OR4D1: variants seen among roughly 807,000 people sequenced by gnomAD.
OR4D1 encodes the protein olfactory receptor 4D1.
OR4D1 carries 10 observed loss-of-function variants against 14.2 expected under a neutral mutation model. That is an observed-to-expected ratio of 0.71 (90% CI 0.44 to 1.20). The LOEUF (loss-of-function observed/expected upper bound fraction) is 1.20. Ranked by LOEUF, OR4D1 falls within the 50% of genes most tolerant of loss-of-function variation. The pLI is 0.00. For synonymous variants in OR4D1, 141 were observed against 147.4 expected, an observed-to-expected ratio of 0.96 and a Z score of 0.32; for missense variants, 345 against 376.6, an observed-to-expected ratio of 0.92 and a Z score of 0.70.
In OR4D1 at chr17:58,159,455, G is replaced by A; in HGVS notation, c.*3369G>A. Reference sequence around the variant, plus strand: ...GGACACAGCATTCCTCCCCTCTGGAGGATGCAGCAACAAGGTGCCATCTTG... The same window carrying A: ...GGACACAGCATTCCTCCCCTCTGGAAGATGCAGCAACAAGGTGCCATCTTG... On this transcript the variant is annotated 3_prime_UTR_variant, in exon 4 of 4. Transcript: ENST00000268912. The A allele has an allele frequency of 6.5e-6, 1 of 152,802 alleles. No individual in the cohort carries two copies. The highest frequency in any genetic ancestry group is 1.5e-5 in the Non-Finnish European group (1 of 68,152). The allele number at this position is 152,802 out of a possible 1,614,324, so 9.5% of individuals were successfully genotyped here.
intron 3 of OR4D1, among the ~76,000 whole-genome samples, 65 bp downstream of exon 3, chr17:58,154,028 C>T (rs183993812): frequency 6.6e-6 from 1 of 152,034 alleles, no homozygotes; most frequent in Non-Finnish European, 1.5e-5. Context: ...ACTATGTTGC[C>T]CAGGCTTGTC....
Position 58,155,930 on chromosome 17 carries a change from C to A in OR4D1, c.777C>A (p.Thr259=). The change falls in exon 4 of 4, where the codon ACC becomes ACA. Residue 259 remains threonine, a synonymous_variant. Coordinates refer to ENST00000268912, the MANE Select transcript of OR4D1 (RefSeq NM_001386095.1). The part of the protein sequence containing the change: ...MIFIPCIYIY[T]WPFTPFLMDK... ...TCATTCCCTGTATCTATATCTATAC[C>A]TGGCCCTTCACCCCATTCCTCATGG... The A allele has an allele frequency of 6.2e-7, 1 of 1,614,134 alleles. No individual in the cohort carries two copies. The highest frequency in any genetic ancestry group is 1.1e-5 in the South Asian group (1 of 91,082).
chr17:58,155,800 T>A lies in OR4D1; in HGVS notation c.647T>A (p.Ile216Asn). The A allele has an allele frequency of 6.2e-7, 1 of 1,614,188 alleles. No homozygotes were observed. Among genetic ancestry groups the A allele is most frequent in the Non-Finnish European group, 8.5e-7 (1 of 1,180,036 alleles). The change falls in exon 4 of 4, where the codon ATC becomes AAC. Residue 216 changes from isoleucine (I) to asparagine (N), a missense_variant. Ile to Asn is a moderately radical substitution (Grantham distance 149). Coordinates refer to ENST00000268912, the MANE Select transcript of OR4D1 (RefSeq NM_001386095.1). The stretch of plus-strand genomic sequence containing the variant: ...ATCATCTGGTTCCTCCTCCTTCTGA[T>A]CTCTTATACTGTCATCCTGGTGATG... The part of the protein sequence containing the change: ...LVIIWFLLLL[I>N]SYTVILVMLR...
In OR4D1 at chr17:58,157,015, A is replaced by G; in HGVS notation, c.*929A>G. 1 of 899,972 alleles carries G rather than the reference A, an allele frequency of 1.1e-6. No homozygotes were observed. The highest frequency in any genetic ancestry group is 1.7e-6 in the Non-Finnish European group (1 of 572,468). 55.7% of individuals were successfully genotyped at this position (899,972 alleles called of 1,614,324 possible). On this transcript the variant is annotated 3_prime_UTR_variant, in exon 4 of 4. Coordinates refer to ENST00000268912, the MANE Select transcript of OR4D1 (RefSeq NM_001386095.1). ...CGTCGGGAGCTACGTAGGGCAGGGA[A>G]GGCATGGCTTCTGTTTTCGTCCAAT...
intron 2 of OR4D1, among the ~76,000 whole-genome samples, chr17:58,153,119 A>G (rs995019501): frequency 4.6e-5 from 7 of 152,198 alleles, no homozygotes; most frequent in African/African-American, 1.7e-4. Context: ...ATGGCTGCCC[A>G]CCCAGTCTAA....
chr17:58,156,874 T>C lies in OR4D1; in HGVS notation c.*788T>C, dbSNP rs908989089. The C allele has an allele frequency of 1.2e-5, 6 of 508,084 alleles. No homozygotes were observed. The highest frequency in any genetic ancestry group is 1.8e-5 in the Non-Finnish European group (5 of 276,560). 31.5% of individuals were successfully genotyped at this position (508,084 alleles called of 1,614,324 possible). Reference sequence around the variant, plus strand: ...ACTCTGGGACAGTTACATTCTTTTCTGCTCCCCACCTCCCTGCCTCATTCC... The same window carrying C: ...ACTCTGGGACAGTTACATTCTTTTCCGCTCCCCACCTCCCTGCCTCATTCC... On this transcript the variant is annotated 3_prime_UTR_variant, in exon 4 of 4. Coordinates refer to ENST00000268912, the MANE Select transcript of OR4D1 (RefSeq NM_001386095.1).
chr17:58,157,181 G>A lies in OR4D1; in HGVS notation c.*1095G>A. 1.4e-6 allele frequency: 2 copies of A among 1,462,838 alleles called. No individual in the cohort carries two copies. The highest frequency in any genetic ancestry group is 2.7e-5 in the South Asian group (2 of 73,844). 90.6% of individuals were successfully genotyped at this position (1,462,838 alleles called of 1,614,324 possible). A position where few individuals can be genotyped will look rare whatever the true frequency, so the allele number is the denominator to read the frequency against. ...TGTCGGACAAGAAGCCGCCCAAGGA[G>A]GCATCCCCAGTGCCGGCCAAAAGCG... is the stretch of plus-strand genomic sequence containing the variant. On this transcript the variant is annotated 3_prime_UTR_variant, in exon 4 of 4. Transcript: ENST00000268912.
At chr17:58,155,097 T>G in intron 3 of OR4D1, 38 bp from the exon 4 acceptor site, 2 of 1,234,164 alleles carry the variant, frequency 1.6e-6, no homozygotes, top group Non-Finnish European at 1.1e-6. Flanking sequence ...ATTTTCATTT[T>G]TTTTGTTTGT....
Position 58,155,665 on chromosome 17 carries a change from C to T in OR4D1, c.512C>T (p.Pro171Leu). 1 of 1,614,110 alleles carries T rather than the reference C, an allele frequency of 6.2e-7. No individual in the cohort carries two copies. The highest frequency in any genetic ancestry group is 8.5e-7 in the Non-Finnish European group (1 of 1,180,012). ...ALILPLPFCG[P>L]NILDNFYCDV... ...ATACTTCCACTGCCCTTCTGTGGCCCCAATATCCTAGATAACTTCTACTGT... is the reference window on the plus strand; with the variant it reads ...ATACTTCCACTGCCCTTCTGTGGCCTCAATATCCTAGATAACTTCTACTGT... The change falls in exon 4 of 4, where the codon CCC becomes CTC. Residue 171 changes from proline to leucine, a missense_variant. By Grantham distance (98) the Pro-to-Leu change is moderately conservative (BLOSUM62 -3). Coordinates refer to ENST00000268912, the MANE Select transcript of OR4D1 (RefSeq NM_001386095.1).
chr17:58,153,163 A>C (rs1378334913), intron 2 of OR4D1, among the ~76,000 whole-genome samples: 2 of 152,158 alleles, frequency 1.3e-5, no homozygotes, highest in Non-Finnish European at 2.9e-5. Context: ...AGGACACAAA[A>C]TCAGAGACCA....
intron 2 of OR4D1, among the ~76,000 whole-genome samples, chr17:58,153,047 G>T (rs1015194346): frequency 6.6e-6 from 1 of 152,242 alleles, no homozygotes; most frequent in African/African-American, 2.4e-5. Context: ...GTGAGAGTTG[G>T]AGTTGGGGAT....
chr17:58,152,662 CA>C (rs1487843589), intron 2 of OR4D1, among the ~76,000 whole-genome samples: 3 of 152,306 alleles, frequency 2.0e-5, no homozygotes, highest in Middle Eastern at 3.4e-3. Context: ...AGGCTGGGTG[CA>C]GTGGCTCACA....
rs1338366679 is a variant in OR4D1 at position 58,159,242 on chromosome 17, C to G, written c.*3156C>G. 6.6e-6 allele frequency: 1 copy of G among 152,174 alleles called. No homozygotes were observed. Among genetic ancestry groups the G allele is most frequent in the East Asian group, 1.9e-4 (1 of 5,204 alleles). 9.4% of individuals were successfully genotyped at this position (152,174 alleles called of 1,614,324 possible). On this transcript the variant is annotated 3_prime_UTR_variant, in exon 4 of 4. Coordinates refer to ENST00000268912, the MANE Select transcript of OR4D1 (RefSeq NM_001386095.1). ...ACATTGTGCTACTTAGCTGAAATGGCTTAAATATGGCCCCTTCAAAATTCA... is the reference window on the plus strand; with the variant it reads ...ACATTGTGCTACTTAGCTGAAATGGGTTAAATATGGCCCCTTCAAAATTCA...
rs1200950508 is a variant in OR4D1, at chr17:58,155,121, T to C, written c.-19-14T>C. ...TTTTTTGTTTGTTTGTTTGTTTCAA[T>C]GGTTTCTCTGTAGGAACGTGGGGGA... On this transcript the variant is annotated splice_polypyrimidine_tract_variant and intron_variant, in intron 3 of 3. Transcript: ENST00000268912. 16 of 1,474,742 alleles carry C rather than the reference T, an allele frequency of 1.1e-5. No homozygotes were observed. Among genetic ancestry groups the C allele is most frequent in the East Asian group, 2.3e-5 (1 of 43,946 alleles). The allele number at this position is 1,474,742 out of a possible 1,614,324, so 91.4% of individuals were successfully genotyped here. A position where few individuals can be genotyped will look rare whatever the true frequency, so the allele number is the denominator to read the frequency against.
chr17:58,155,990 C>T lies in OR4D1; in HGVS notation c.837C>T (p.Thr279=). 6.8e-7 allele frequency: 1 copy of T among 1,465,866 alleles called. No individual in the cohort carries two copies. The highest frequency in any genetic ancestry group is 1.5e-5 in the South Asian group (1 of 68,206). The allele number at this position is 1,465,866 out of a possible 1,614,324, so 90.8% of individuals were successfully genotyped here. ...KAVSISYTVM[T]PMLNPMIYTL... is the part of the protein sequence containing the mutation. ...TGTCCATCAGCTACACAGTCATGAC[C>T]CCCATGCTCAACCCCATGATCTACA... is the stretch of plus-strand genomic sequence containing the variant. Residue 279 remains threonine, a synonymous_variant, in exon 4 of 4, where the codon ACC becomes ACT. Transcript: ENST00000268912.
At position 58,157,401 on chromosome 17, in the gene OR4D1, G is replaced by A; in HGVS notation, c.*1315G>A. On this transcript the variant is annotated 3_prime_UTR_variant, in exon 4 of 4. Coordinates refer to ENST00000268912, the MANE Select transcript of OR4D1 (RefSeq NM_001386095.1). Reference sequence around the variant, plus strand: ...CCAAGACACGTGAGCCCTACCACCTGCACCCTGAGAAAACACAAGACCAAT... The same window carrying A: ...CCAAGACACGTGAGCCCTACCACCTACACCCTGAGAAAACACAAGACCAAT... 2 of 1,201,590 alleles carry A rather than the reference G, an allele frequency of 1.7e-6. No individual in the cohort carries two copies. Among genetic ancestry groups the A allele is most frequent in the Admixed American group, 1.9e-5 (1 of 52,936 alleles). The allele number at this position is 1,201,590 out of a possible 1,614,324, so 74.4% of individuals were successfully genotyped here.
chr17:58,159,059 A>G lies in OR4D1; in HGVS notation c.*2973A>G, dbSNP rs1967817663. 1 of 152,036 alleles carries G rather than the reference A, an allele frequency of 6.6e-6. No homozygotes were observed. The highest frequency in any genetic ancestry group is 1.5e-5 in the Non-Finnish European group (1 of 68,020). The allele number at this position is 152,036 out of a possible 1,614,324, so 9.4% of individuals were successfully genotyped here. ...TACAATTGTATATATTTTATTGAAG[A>G]GTTATTATATCTTATTCTGAATTAA... On this transcript the variant is annotated 3_prime_UTR_variant, in exon 4 of 4. Transcript: ENST00000268912.
In OR4D1 at chr17:58,156,913, T is replaced by C; in HGVS notation, c.*827T>C. The C allele has an allele frequency of 1.7e-6, 1 of 603,502 alleles. No individual in the cohort carries two copies. The highest frequency in any genetic ancestry group is 1.8e-5 in the South Asian group (1 of 56,808). The allele number at this position is 603,502 out of a possible 1,614,324, so 37.4% of individuals were successfully genotyped here. On this transcript the variant is annotated 3_prime_UTR_variant, in exon 4 of 4. Coordinates refer to ENST00000268912, the MANE Select transcript of OR4D1 (RefSeq NM_001386095.1). ...CTGCCTCATTCCCCACTGTGGAATT[T>C]AGAAAGTTATCTCGCCCTCCCTCCT...
chr17:58,153,172 C>T (rs1477160725), intron 2 of OR4D1, among the ~76,000 whole-genome samples: 1 of 152,118 alleles, frequency 6.6e-6, no homozygotes. Flanking sequence ...AATCAGAGAC[C>T]AAAATGTGTT....
Sources: allele counts gnomAD v4.1 joint callset (sites outside exome capture counted in the v4.1 genomes callset), GRCh38; gene constraint gnomAD v4.1.1; transcripts MANE v1.5; gene names NCBI Gene and HGNC (gene_info 2026-07-23, HGNC 2026-07-21).